The following SHISA9 variants were observed in gnomAD, a reference collection of about 807,000 sequenced individuals.
The protein encoded by SHISA9 is protein shisa-9.
In SHISA9, 13 loss-of-function variants were observed where a neutral mutation model predicts 38.0. The ratio of observed to expected loss-of-function variants is 0.34; its 90% CI spans 0.22 to 0.54. The LOEUF is 0.54. Among genes scored for constraint, SHISA9 ranks in the 20% least tolerant of loss-of-function variants. SHISA9 has a pLI of 0.91. For synonymous variants in SHISA9, 275 were observed against 242.0 expected, an observed-to-expected ratio of 1.14 and a Z score of -1.27; for missense variants, 538 against 575.8, an observed-to-expected ratio of 0.93 and a Z score of 0.67.
At chr16:13,214,288 G>A (rs563552936) in intron 4 of SHISA9, among the ~76,000 whole-genome samples, 1 of 152,108 alleles carries the variant, frequency 6.6e-6, no homozygotes, top group Non-Finnish European at 1.5e-5. Context: ...AACCTCCTCC[G>A]CCTCCCAGGT....
intron 4 of SHISA9, among the ~76,000 whole-genome samples, chr16:13,222,047 C>T (rs969625699): frequency 7.9e-5 from 12 of 152,262 alleles, no homozygotes; most frequent in South Asian, 4.1e-4. Context: ...AAGCAAAACA[C>T]GTCTTACATG....
intron 2 of SHISA9, among the ~76,000 whole-genome samples, chr16:13,069,217 G>A (rs1246124967): frequency 6.6e-6 from 1 of 151,902 alleles, no homozygotes; most frequent in East Asian, 1.9e-4. Flanking sequence ...CATGCAATGT[G>A]TGTATGTATG....
chr16:13,182,082 T>C (rs1006250473), intron 2 of SHISA9, among the ~76,000 whole-genome samples: 10 of 152,110 alleles, frequency 6.6e-5, no homozygotes, highest in African/African-American at 2.2e-4. Context: ...AAGCTCAGAG[T>C]AAATATGTAA....
chr16:12,983,043 CTG>C (rs1364100644), intron 2 of SHISA9, among the ~76,000 whole-genome samples: 2 of 152,192 alleles, frequency 1.3e-5, no homozygotes, highest in Non-Finnish European at 2.9e-5. Context: ...TTGAATGTAA[CTG>C]TTGATAAGGG....
chr16:13,245,586 A>C, the SHISA9 span, among the ~76,000 whole-genome samples: 38 of 152,220 alleles, frequency 2.5e-4, no homozygotes, highest in African/African-American at 9.2e-4. Flanking sequence ...TAACCTCACA[A>C]AATTGTGTTT....
In SHISA9 at chr16:13,058,931, G is replaced by A. The variant is rs77475381; in HGVS notation, c.691+142116G>A. 2.8e-3 allele frequency among the ~76,000 whole-genome samples: 424 copies of A among 152,176 alleles called. 1 individual carries two copies. Among genetic ancestry groups the A allele is most frequent in the African/African-American group, 9.6e-3 (398 of 41,508 alleles). On this transcript the variant is annotated intron_variant, in intron 2 of 4. Coordinates refer to ENST00000558583, the MANE Select transcript of SHISA9 (RefSeq NM_001145204.3). ...CATTTGGCCAAGACACGTGATGAGT[G>A]TGGGTTTGGGGGGTGGACATTTGGG... is the stretch of plus-strand genomic sequence containing the variant.
chr16:13,190,913 T>C (rs1030983601), intron 2 of SHISA9, among the ~76,000 whole-genome samples: 8 of 152,194 alleles, frequency 5.3e-5, no homozygotes, highest in Non-Finnish European at 1.0e-4. Flanking sequence ...ATATGTGTTT[T>C]TTTTTCTTTA....
chr16:13,437,760 T>TCCA, the SHISA9 span, among the ~76,000 whole-genome samples: 2 of 151,540 alleles, frequency 1.3e-5, no homozygotes, highest in Non-Finnish European at 2.9e-5. Flanking sequence ...GGGAAAGGGA[T>TCCA]CCAAGGTCCT....
At chr16:12,943,309 GT>G (rs2071638744) in intron 2 of SHISA9, among the ~76,000 whole-genome samples, 1 of 76,596 alleles carries the variant, frequency 1.3e-5, no homozygotes, top group Non-Finnish European at 2.5e-5. Context: ...GTGTGTGTGT[GT>G]GTGTGTGTGT....
intron 2 of SHISA9, among the ~76,000 whole-genome samples, chr16:12,960,455 A>G (rs916493447): frequency 1.3e-5 from 2 of 152,212 alleles, no homozygotes; most frequent in African/African-American, 4.8e-5. Context: ...TATTCTAAAG[A>G]TACGTGCACA....
the SHISA9 span, among the ~76,000 whole-genome samples, chr16:13,550,903 CA>C: frequency 2.6e-5 from 4 of 152,016 alleles, no homozygotes; most frequent in Non-Finnish European, 5.9e-5. Context: ...GTGGGCGGAT[CA>C]AAAGGTCAGG....
chr16:13,424,200 G>A, the SHISA9 span, among the ~76,000 whole-genome samples: 1 of 121,552 alleles, frequency 8.2e-6, no homozygotes, highest in Admixed American at 9.8e-5. Flanking sequence ...ATTACTGCAG[G>A]AAATCCAGTC....
the SHISA9 span, among the ~76,000 whole-genome samples, chr16:13,391,394 A>G: frequency 6.6e-6 from 1 of 152,212 alleles, no homozygotes; most frequent in Admixed American, 6.5e-5. Context: ...ACAACTGAAA[A>G]AAGGCTAAAG....
At chr16:12,986,747 C>G (rs2072315260) in intron 2 of SHISA9, among the ~76,000 whole-genome samples, 1 of 152,228 alleles carries the variant, frequency 6.6e-6, no homozygotes, top group Admixed American at 6.5e-5. Context: ...AGGGTTTTCT[C>G]TTATTTAGTC....
intron 2 of SHISA9, among the ~76,000 whole-genome samples, chr16:13,002,952 G>A (rs1194925258): frequency 2.0e-5 from 3 of 152,122 alleles, no homozygotes; most frequent in African/African-American, 7.2e-5. Flanking sequence ...GCATCTAAGA[G>A]GGACACGAGG....
chr16:13,235,196 G>GCAGA lies in SHISA9; in HGVS notation c.1062_1063insCAGA (p.Met355GlnfsTer16). 1 of 1,551,778 alleles carries GCAGA rather than the reference G, an allele frequency of 6.4e-7. No homozygotes were observed. The highest frequency in any genetic ancestry group is 8.7e-7 in the Non-Finnish European group (1 of 1,147,014). ...ATGGACAGAAGTCCCGCACCAACAA[G>GCAGA]ATGCCCCCACATCCCCTGGCCTACA... On this transcript the variant is annotated frameshift_variant, in exon 5 of 5. Coordinates refer to ENST00000558583, the MANE Select transcript of SHISA9 (RefSeq NM_001145204.3). LOFTEE classifies it high-confidence loss of function.
intron 2 of SHISA9, among the ~76,000 whole-genome samples, chr16:12,967,533 C>T (rs1449059107): frequency 6.6e-6 from 1 of 151,776 alleles, no homozygotes; most frequent in Non-Finnish European, 1.5e-5. Context: ...ACGTTGTGCA[C>T]ATGTACCCTA....
the SHISA9 span, among the ~76,000 whole-genome samples, chr16:13,330,216 G>A: frequency 6.6e-6 from 1 of 152,204 alleles, no homozygotes; most frequent in Admixed American, 6.5e-5. Flanking sequence ...ACCCGACTAT[G>A]TGCATGCTGT....
chr16:13,446,910 G>A, the SHISA9 span, among the ~76,000 whole-genome samples: 2 of 151,638 alleles, frequency 1.3e-5, no homozygotes, highest in East Asian at 3.9e-4. Context: ...AACCTGGGAG[G>A]TGAAGGTTGT....
Sources: allele counts gnomAD v4.1 joint callset (sites outside exome capture counted in the v4.1 genomes callset), GRCh38; gene constraint gnomAD v4.1.1; transcripts MANE v1.5; gene names NCBI Gene and HGNC (gene_info 2026-07-23, HGNC 2026-07-21).